TRAPPC9: variants seen among roughly 807,000 people sequenced by gnomAD.
The protein encoded by TRAPPC9 is IKK2 binding protein.
In TRAPPC9, 83 loss-of-function variants were observed where a neutral mutation model predicts 124.0. That is an observed-to-expected ratio of 0.67 (90% CI 0.56 to 0.80). The LOEUF is 0.80. Among genes scored for constraint, TRAPPC9 ranks in the 30% least tolerant of loss-of-function variants. The probability of loss-of-function intolerance (pLI) is 0.00; values close to 1 mark genes in which losing one functional copy is unlikely to be tolerated. For missense variants in TRAPPC9, 1,302 were observed against 1,508.3 expected (o/e 0.86, Z 2.27); for synonymous variants, 638 against 617.5 (o/e 1.03, Z -0.49).
At chr8:140,127,421 A>G (rs573961815) in intron 17 of TRAPPC9, among the ~76,000 whole-genome samples, 1 of 152,342 alleles carries the variant, frequency 6.6e-6, no homozygotes, top group South Asian at 2.1e-4. Context: ...CATACCCTAT[A>G]AAACGCATTA....
chr8:140,395,937 C>T (rs1251492589), intron 7 of TRAPPC9, among the ~76,000 whole-genome samples: 3 of 152,088 alleles, frequency 2.0e-5, no homozygotes, highest in Non-Finnish European at 4.4e-5. Flanking sequence ...GACCCACAGC[C>T]GGCCGCTGAC....
intron 7 of TRAPPC9, among the ~76,000 whole-genome samples, chr8:140,382,499 G>A (rs1563987416): frequency 6.6e-6 from 1 of 152,184 alleles, no homozygotes; most frequent in Non-Finnish European, 1.5e-5. Context: ...TATATCCCGC[G>A]CATGGCTGGG....
chr8:140,215,017 C>T (rs866172186), intron 17 of TRAPPC9, among the ~76,000 whole-genome samples: 1 of 152,270 alleles, frequency 6.6e-6, no homozygotes, highest in Middle Eastern at 3.4e-3. Flanking sequence ...GTGCCAGATG[C>T]CCCTACAGCA....
At chr8:139,824,210 G>A (rs1825464658) in intron 21 of TRAPPC9, among the ~76,000 whole-genome samples, 1 of 152,226 alleles carries the variant, frequency 6.6e-6, no homozygotes, top group South Asian at 2.1e-4. Flanking sequence ...AACTAGCCCT[G>A]AGCGGTGTGT....
intron 17 of TRAPPC9, among the ~76,000 whole-genome samples, chr8:140,030,819 C>T (rs1193142582): frequency 6.6e-6 from 1 of 152,142 alleles, no homozygotes; most frequent in Non-Finnish European, 1.5e-5. Context: ...CCTTTGGTAG[C>T]AAGGAGATCG....
intron 21 of TRAPPC9, among the ~76,000 whole-genome samples, chr8:139,835,217 TCCC>T: frequency 6.6e-6 from 1 of 152,112 alleles, no homozygotes; most frequent in Non-Finnish European, 1.5e-5. Context: ...CCTCAAATCC[TCCC>T]CCATCTGACC....
intron 6 of TRAPPC9, among the ~76,000 whole-genome samples, chr8:140,404,788 GTA>G (rs2069419204): frequency 6.7e-6 from 1 of 149,246 alleles, no homozygotes; most frequent in African/African-American, 2.6e-5. Context: ...GAGCATGCTT[GTA>G]TGTATGTGTG....
intron 17 of TRAPPC9, among the ~76,000 whole-genome samples, chr8:140,092,488 C>T (rs1194562173): frequency 2.6e-5 from 4 of 152,146 alleles, no homozygotes; most frequent in African/African-American, 4.8e-5. Flanking sequence ...TGAGCCACCA[C>T]GCGCGGCCAC....
At chr8:139,974,017 G>A (rs1054054006) in intron 19 of TRAPPC9, among the ~76,000 whole-genome samples, 1 of 152,154 alleles carries the variant, frequency 6.6e-6, no homozygotes, top group Admixed American at 6.5e-5. Flanking sequence ...GCGGCCTGAC[G>A]GCTCCATGGT....
At position 139,839,422 on chromosome 8, in the gene TRAPPC9, G is replaced by C. The variant is rs1826582009; in HGVS notation, c.3055+46457C>G. On this transcript the variant is annotated intron_variant, in intron 21 of 22. Transcript: ENST00000438773. ...GACAAGCCAAGTCCATGCTGTGGGAGGGGACAGACAGGCCACCAGGTAGTG... is the reference window on the plus strand; with the variant it reads ...GACAAGCCAAGTCCATGCTGTGGGACGGGACAGACAGGCCACCAGGTAGTG... Among the ~76,000 whole-genome samples, 5 of 152,352 alleles carry C rather than the reference G, an allele frequency of 3.3e-5. No homozygotes were observed. The South Asian group carries it at 1.0e-3, about 32-fold the overall frequency.
intron 19 of TRAPPC9, among the ~76,000 whole-genome samples, chr8:139,929,471 C>CA (rs779885854): frequency 9.9e-5 from 15 of 152,068 alleles, no homozygotes; most frequent in Non-Finnish European, 2.2e-4. Flanking sequence ...CGTGGTGGCT[C>CA]ACGCCTGTAA....
At chr8:139,854,753 G>A (rs1371035726) in intron 21 of TRAPPC9, among the ~76,000 whole-genome samples, 1 of 152,202 alleles carries the variant, frequency 6.6e-6, no homozygotes, top group African/African-American at 2.4e-5. Context: ...AGCCTTGCTT[G>A]CAGCTACCCT....
chr8:139,897,650 G>A (rs73366285), intron 20 of TRAPPC9, among the ~76,000 whole-genome samples: 2,437 of 152,274 alleles, frequency 0.016, 52 homozygotes, highest in African/African-American at 0.055. Flanking sequence ...AGCCTCCTTG[G>A]GGATGTTAGG....
At chr8:139,801,935 G>A (rs949852670) in intron 21 of TRAPPC9, among the ~76,000 whole-genome samples, 1 of 152,194 alleles carries the variant, frequency 6.6e-6, no homozygotes, top group Non-Finnish European at 1.5e-5. Context: ...AGTCTCTGAG[G>A]CCTGTGGACA....
At chr8:140,443,629 A>G (rs904048229) in intron 2 of TRAPPC9, among the ~76,000 whole-genome samples, 1 of 149,478 alleles carries the variant, frequency 6.7e-6, no homozygotes, top group Non-Finnish European at 1.5e-5. Context: ...AGCTGGGCGC[A>G]GTGGCTCACA....
At chr8:140,057,969 G>T (rs545271877) in intron 17 of TRAPPC9, among the ~76,000 whole-genome samples, 1 of 152,190 alleles carries the variant, frequency 6.6e-6, no homozygotes, top group Non-Finnish European at 1.5e-5. Context: ...CCTGCACCAC[G>T]CTGGGGGCAG....
intron 5 of TRAPPC9, among the ~76,000 whole-genome samples, chr8:140,417,168 T>C (rs2069963917): frequency 1.3e-5 from 2 of 152,304 alleles, no homozygotes; most frequent in African/African-American, 4.8e-5. Flanking sequence ...GGCAAAGACT[T>C]CATAACTAAA....
intron 8 of TRAPPC9, among the ~76,000 whole-genome samples, chr8:140,364,131 G>C (rs999674580): frequency 6.6e-5 from 10 of 151,974 alleles, no homozygotes; most frequent in Non-Finnish European, 1.0e-4. Context: ...GGAGGCAAGA[G>C]GCATCAGAAG....
intron 17 of TRAPPC9, among the ~76,000 whole-genome samples, chr8:140,161,156 C>T (rs6987337): frequency 0.85 from 129,615 of 152,090 alleles, 55,375 homozygotes; most frequent in East Asian, 1. Flanking sequence ...AACCCTTCAG[C>T]AGGGGAGGAG....
Sources: allele counts gnomAD v4.1 joint callset (sites outside exome capture counted in the v4.1 genomes callset), GRCh38; gene constraint gnomAD v4.1.1; transcripts MANE v1.5; gene names NCBI Gene and HGNC (gene_info 2026-07-23, HGNC 2026-07-21).